BCAP29: variants seen among roughly 807,000 people sequenced by gnomAD.
The protein encoded by BCAP29 is B cell receptor associated protein 29.
In BCAP29, 34 loss-of-function variants were observed where a neutral mutation model predicts 31.8. The observed-to-expected ratio is 1.07, with a 90% confidence interval of 0.81 to 1.42. The LOEUF is 1.42. Ranked by LOEUF, BCAP29 falls within the 40% of genes most tolerant of loss-of-function variation. The probability of loss-of-function intolerance (pLI) is 0.00; values close to 1 mark genes in which losing one functional copy is unlikely to be tolerated. For missense variants in BCAP29, 314 were observed against 269.2 expected (o/e 1.17, Z -1.16); for synonymous variants, 104 against 91.3 (o/e 1.14, Z -0.79).
intron 6 of BCAP29, among the ~76,000 whole-genome samples, chr7:107,605,408 T>G (rs1811908149): frequency 1.3e-5 from 2 of 152,156 alleles, no homozygotes; most frequent in Non-Finnish European, 2.9e-5. Flanking sequence ...ATTCATTTCC[T>G]CCCCAGTGTG....
intron 6 of BCAP29, among the ~76,000 whole-genome samples, chr7:107,605,820 A>G (rs868166635): frequency 2.0e-5 from 3 of 152,218 alleles, no homozygotes; most frequent in African/African-American, 7.2e-5. Flanking sequence ...AGCTTATGGC[A>G]GGTTCATGTT....
chr7:107,584,845 A>AT (rs1415018881), intron 3 of BCAP29, among the ~76,000 whole-genome samples: 1 of 152,228 alleles, frequency 6.6e-6, no homozygotes, highest in Admixed American at 6.5e-5. Context: ...TCAGCAACCT[A>AT]TATAGCCTGT....
intron 6 of BCAP29, among the ~76,000 whole-genome samples, chr7:107,602,985 T>A (rs1420988465): frequency 6.9e-6 from 1 of 145,720 alleles, no homozygotes; most frequent in African/African-American, 2.6e-5. Context: ...TTTTTTTTTT[T>A]TTTGAGATGA....
chr7:107,585,269 C>A (rs1015230140), intron 3 of BCAP29, among the ~76,000 whole-genome samples: 1 of 152,202 alleles, frequency 6.6e-6, no homozygotes, highest in Non-Finnish European at 1.5e-5. Context: ...AACCACCAAT[C>A]TCTCAAATAG....
intron 3 of BCAP29, among the ~76,000 whole-genome samples, chr7:107,590,243 G>GA (rs912337112): frequency 6.6e-6 from 1 of 151,876 alleles, no homozygotes; most frequent in Admixed American, 6.6e-5. Flanking sequence ...TATTGACAGT[G>GA]AAAAAAATAA....
chr7:107,594,201 T>C, intron 4 of BCAP29, 96 bp downstream of exon 4: 1 of 1,151,224 alleles, frequency 8.7e-7, no homozygotes, highest in Non-Finnish European at 1.2e-6. Flanking sequence ...TTTTTTTTTT[T>C]TAAGAGAGAC....
chr7:107,615,122 AATGTCTCC>A (rs1813878487), intron 7 of BCAP29: 1 of 434,526 alleles, frequency 2.3e-6, no homozygotes, highest in African/African-American at 2.1e-5. Flanking sequence ...TCCATTGTTG[AATGTCTCC>A]ATTGTTGAAT....
chr7:107,608,711 G>T (rs192049902), intron 6 of BCAP29, among the ~76,000 whole-genome samples: 6 of 152,200 alleles, frequency 3.9e-5, no homozygotes, highest in Non-Finnish European at 7.4e-5. Flanking sequence ...TGGTCTCTTT[G>T]CTTTGTTTTG....
intron 6 of BCAP29, among the ~76,000 whole-genome samples, chr7:107,609,910 G>A (rs3779494): frequency 0.76 from 115,963 of 152,140 alleles, 44,754 homozygotes; most frequent in African/African-American, 0.89. Flanking sequence ...CCTTACAGCT[G>A]TTGTACAACA....
chr7:107,583,992 A>G lies in BCAP29; in HGVS notation c.193+10A>G. 7.2e-7 allele frequency: 1 copy of G among 1,394,134 alleles called. No homozygotes were observed. Among genetic ancestry groups the G allele is most frequent in the Non-Finnish European group, 9.8e-7 (1 of 1,017,644 alleles). 86.4% of individuals were successfully genotyped at this position (1,394,134 alleles called of 1,614,324 possible). A position where few individuals can be genotyped will look rare whatever the true frequency, so the allele number is the denominator to read the frequency against. On this transcript the variant is annotated intron_variant, in intron 3 of 7. Coordinates refer to ENST00000005259, the MANE Select transcript of BCAP29 (RefSeq NM_018844.4). ...ATTGTTCTATTTCTAGGTAAGTACT[A>G]GATCCCTTCTTTGAATAAATATAAC...
At chr7:107,591,492 G>C (rs1436146092) in intron 3 of BCAP29, among the ~76,000 whole-genome samples, 1 of 152,042 alleles carries the variant, frequency 6.6e-6, no homozygotes, top group Non-Finnish European at 1.5e-5. Context: ...TTTCTTCCCT[G>C]GATCTCCAGA....
At position 107,619,938 on chromosome 7, in the gene BCAP29, C is replaced by CT. The variant is rs1814774361; in HGVS notation, c.*1576dup. On this transcript the variant is annotated 3_prime_UTR_variant, in exon 8 of 8. Coordinates refer to ENST00000005259, the MANE Select transcript of BCAP29 (RefSeq NM_018844.4). ...TATTTAGCCATGCTAGCCTAGGCCT[C>CT]TATTTCCTTGTCTCCAAAATGAGAA... is the stretch of plus-strand genomic sequence containing the variant. 2.0e-5 allele frequency: 3 copies of CT among 152,292 alleles called. No homozygotes were observed. The highest frequency in any genetic ancestry group is 1.9e-4 in the East Asian group (1 of 5,190). 9.4% of individuals were successfully genotyped at this position (152,292 alleles called of 1,614,324 possible).
At chr7:107,594,679 T>C (rs563683993) in intron 4 of BCAP29, among the ~76,000 whole-genome samples, 1 of 152,208 alleles carries the variant, frequency 6.6e-6, no homozygotes, top group African/African-American at 2.4e-5. Context: ...TTTTTTTGTA[T>C]TTTCAGTAGA....
chr7:107,619,614 A>T lies in BCAP29; in HGVS notation c.*1251A>T, dbSNP rs576983672. ...CAGGAGTTACTGCTAAAAAACAGAC[A>T]TGTAGGAGACATTCAACAGGAGTAT... On this transcript the variant is annotated 3_prime_UTR_variant, in exon 8 of 8. Coordinates refer to ENST00000005259, the MANE Select transcript of BCAP29 (RefSeq NM_018844.4). 6.6e-6 allele frequency: 1 copy of T among 152,276 alleles called. No homozygotes were observed. The highest frequency in any genetic ancestry group is 1.9e-4 in the East Asian group (1 of 5,188). The allele number at this position is 152,276 out of a possible 1,614,324, so 9.4% of individuals were successfully genotyped here.
chr7:107,601,110 C>A (rs562587839), intron 6 of BCAP29, among the ~76,000 whole-genome samples: 2 of 152,140 alleles, frequency 1.3e-5, no homozygotes, highest in African/African-American at 4.8e-5. Context: ...AAAAGTTTTG[C>A]TAGTGTTTTT....
At chr7:107,622,156 C>T, downstream of BCAP29, 1 of 335,348 alleles carries the variant, frequency 3.0e-6, no homozygotes, top group East Asian at 6.9e-5. Flanking sequence ...ACGACCTCCT[C>T]ATCTCCCTGT....
intron 6 of BCAP29, among the ~76,000 whole-genome samples, chr7:107,604,344 G>A (rs1811702044): frequency 6.6e-6 from 1 of 152,108 alleles, no homozygotes; most frequent in Non-Finnish European, 1.5e-5. Flanking sequence ...TTTTTCCAGA[G>A]AAATTGGAGA....
chr7:107,622,228 C>CA (rs199722961), downstream of BCAP29: 144 of 174,846 alleles, frequency 8.2e-4, 4 homozygotes, highest in East Asian at 0.018. Flanking sequence ...AAAACAAAAA[C>CA]AAAAAAAACA....
intron 6 of BCAP29, among the ~76,000 whole-genome samples, chr7:107,604,089 T>C (rs1227242326): frequency 1.3e-5 from 2 of 152,146 alleles, no homozygotes; most frequent in Non-Finnish European, 2.9e-5. Context: ...GGTACCTAAG[T>C]ATTAGCAGCA....
Sources: allele counts gnomAD v4.1 joint callset (sites outside exome capture counted in the v4.1 genomes callset), GRCh38; gene constraint gnomAD v4.1.1; transcripts MANE v1.5; gene names NCBI Gene and HGNC (gene_info 2026-07-23, HGNC 2026-07-21).